Variants in PCSK5 observed in about 807,000 individuals in gnomAD.
PCSK5 encodes the protein prohormone convertase 5.
In PCSK5, 129 loss-of-function variants were observed where a neutral mutation model predicts 233.2. The observed-to-expected ratio is 0.55, with a 90% CI of 0.48 to 0.64. The LOEUF (loss-of-function observed/expected upper bound fraction) is 0.64. PCSK5 is among the 30% of genes least tolerant of loss of function. The pLI is 0.00. For missense variants in PCSK5, 2,076 were observed against 2,430.1 expected (o/e 0.85, Z 3.06); for synonymous variants, 825 against 879.2 (o/e 0.94, Z 1.09).
intron 12 of PCSK5, among the ~76,000 whole-genome samples, chr9:76,167,207 G>A (rs139860071): frequency 2.0e-5 from 3 of 151,184 alleles, no homozygotes; most frequent in Non-Finnish European, 3.0e-5. Flanking sequence ...CCTCTATTTC[G>A]AGAGGGAACC....
At chr9:76,158,490 A>G (rs1175977510) in intron 11 of PCSK5, among the ~76,000 whole-genome samples, 2 of 152,198 alleles carry the variant, frequency 1.3e-5, no homozygotes, top group African/African-American at 4.8e-5. Flanking sequence ...ATGAGAACCT[A>G]TAGACAAGAG....
intron 32 of PCSK5, among the ~76,000 whole-genome samples, chr9:76,324,045 G>A (rs1002799516): frequency 2.0e-5 from 3 of 150,608 alleles, no homozygotes; most frequent in Non-Finnish European, 4.4e-5. Context: ...CCTGCCTCAG[G>A]CTCCTGAGTA....
At chr9:75,941,566 G>A (rs565874879) in intron 2 of PCSK5, among the ~76,000 whole-genome samples, 9 of 152,192 alleles carry the variant, frequency 5.9e-5, no homozygotes, top group South Asian at 2.1e-4. Flanking sequence ...CAGCTCTCTC[G>A]TTTCTGGCTA....
chr9:76,163,006 T>A (rs1822935262), intron 12 of PCSK5, among the ~76,000 whole-genome samples: 1 of 152,120 alleles, frequency 6.6e-6, no homozygotes, highest in African/African-American at 2.4e-5. Context: ...GCATCACCTC[T>A]CCTTTGCAAT....
At chr9:75,965,524 A>G (rs1004045952) in intron 2 of PCSK5, among the ~76,000 whole-genome samples, 1 of 152,134 alleles carries the variant, frequency 6.6e-6, no homozygotes, top group African/African-American at 2.4e-5. Flanking sequence ...AAGGGAATGC[A>G]TCCTCCCTTC....
At chr9:75,951,064 C>T (rs1232777446) in intron 2 of PCSK5, among the ~76,000 whole-genome samples, 1 of 152,148 alleles carries the variant, frequency 6.6e-6, no homozygotes, top group Non-Finnish European at 1.5e-5. Context: ...ACCCGGTAGG[C>T]AGAAGTCTTA....
At chr9:76,173,689 T>G (rs1321477372) in intron 13 of PCSK5, among the ~76,000 whole-genome samples, 2 of 151,786 alleles carry the variant, frequency 1.3e-5, no homozygotes, top group East Asian at 1.9e-4. Flanking sequence ...AATGCTGTTT[T>G]GGGCCAAGTG....
intron 1 of PCSK5, among the ~76,000 whole-genome samples, chr9:75,894,448 G>A (rs1002219859): frequency 1.3e-5 from 2 of 152,104 alleles, no homozygotes; most frequent in African/African-American, 2.4e-5. Flanking sequence ...CAAAAAGGAC[G>A]TGCTTGATTT....
In PCSK5 at chr9:75,978,075, C is replaced by T. The variant is rs932184909; in HGVS notation, c.298-8057C>T. Among the ~76,000 whole-genome samples, 9 of 152,070 alleles carry T rather than the reference C, an allele frequency of 5.9e-5. No homozygotes were observed. The East Asian group carries it at 7.7e-4, about 13-fold the overall frequency. ...CTACCATCTATCTGTTGTTGAAATA[C>T]GAAACATTTTGTAACTTGACAGGAT... On this transcript the variant is annotated intron_variant, in intron 2 of 37. Coordinates refer to ENST00000674117, the MANE Select transcript of PCSK5 (RefSeq NM_001372043.1).
chr9:76,144,265 GA>G (rs1365945641), intron 10 of PCSK5, among the ~76,000 whole-genome samples: 1 of 151,568 alleles, frequency 6.6e-6, no homozygotes, highest in Non-Finnish European at 1.5e-5. Context: ...GTTTTGTCAG[GA>G]AATCATCCGC....
intron 2 of PCSK5, among the ~76,000 whole-genome samples, chr9:75,969,872 C>CTTTTTTTTTTTTTTTTTT (rs35326945): frequency 7.2e-6 from 1 of 138,440 alleles, no homozygotes; most frequent in Non-Finnish European, 1.6e-5. Context: ...TCCAGAAATC[C>CTTTTTTTTTTTTTTTTTT]TTTTTTTTTT....
chr9:76,188,432 A>G, intron 17 of PCSK5, 146 bp from the exon 18 acceptor site: 1 of 594,202 alleles, frequency 1.7e-6, no homozygotes, highest in Non-Finnish European at 3.0e-6. Flanking sequence ...AAAAGGGTAC[A>G]CGGGCTATTT....
chr9:76,103,629 G>A (rs1050085055), intron 8 of PCSK5, among the ~76,000 whole-genome samples: 26 of 152,120 alleles, frequency 1.7e-4, no homozygotes, highest in Non-Finnish European at 8.8e-5. Context: ...AGTACCCACC[G>A]CTTGTCATCA....
At chr9:76,224,534 G>T (rs1587777256) in intron 20 of PCSK5, among the ~76,000 whole-genome samples, 1 of 152,192 alleles carries the variant, frequency 6.6e-6, no homozygotes, top group South Asian at 2.1e-4. Flanking sequence ...TACCCCAGGT[G>T]GGGGATGCAA....
intron 2 of PCSK5, among the ~76,000 whole-genome samples, chr9:75,964,221 C>A (rs539856480): frequency 6.6e-6 from 1 of 152,144 alleles, no homozygotes; most frequent in South Asian, 2.1e-4. Context: ...GGCCAGAATA[C>A]CAGGGAAATC....
At chr9:76,331,667 A>C (rs1436359923) in intron 33 of PCSK5, among the ~76,000 whole-genome samples, 14 of 65,300 alleles carry the variant, frequency 2.1e-4, no homozygotes, top group Non-Finnish European at 5.2e-4. Context: ...ACTCCATCTC[A>C]AAAAAAAAAA....
chr9:75,970,277 A>T (rs185747101), intron 2 of PCSK5, among the ~76,000 whole-genome samples: 99 of 152,338 alleles, frequency 6.5e-4, no homozygotes, highest in Non-Finnish European at 1.2e-3. Flanking sequence ...CTGGGTAACT[A>T]AGGCTTTTGG....
At chr9:76,336,193 G>A (rs750626870) in intron 34 of PCSK5, among the ~76,000 whole-genome samples, 17 of 152,066 alleles carry the variant, frequency 1.1e-4, no homozygotes, top group Non-Finnish European at 2.2e-4. Context: ...CCACAAGCTG[G>A]GCCACTGAGG....
intron 2 of PCSK5, among the ~76,000 whole-genome samples, chr9:75,943,638 G>A (rs7021371): frequency 0.01 from 1,534 of 152,286 alleles, 33 homozygotes; most frequent in African/African-American, 0.035. Flanking sequence ...TTGTATTGTA[G>A]TTCCTACTGT....
Sources: gnomAD v4.1 joint callset for allele counts (sites outside exome capture counted in the v4.1 genomes callset) on GRCh38, gnomAD v4.1.1 for gene constraint, MANE v1.5 for transcripts, NCBI Gene and HGNC (gene_info 2026-07-23, HGNC 2026-07-21) for gene names.